The following DLG2 variants were observed in gnomAD, a reference collection of about 807,000 sequenced individuals.
DLG2 encodes the protein discs large MAGUK scaffold protein 2, also known as disks large homolog 2.
In DLG2, 45 loss-of-function variants were observed where a neutral mutation model predicts 132.5. The ratio of observed to expected loss-of-function variants is 0.34; its 90% confidence interval spans 0.27 to 0.44. DLG2 has a LOEUF of 0.44. Among genes scored for constraint, DLG2 ranks in the 20% least tolerant of loss-of-function variants. The probability of loss-of-function intolerance (pLI) is 1.00; values close to 1 mark genes in which losing one functional copy is unlikely to be tolerated. For missense variants in DLG2, 1,045 were observed against 1,196.9 expected (o/e 0.87, Z 1.87); for synonymous variants, 424 against 419.6 (o/e 1.01, Z -0.13).
At position 83,885,877 on chromosome 11, in the gene DLG2, A is replaced by C. The variant is rs548742999; in HGVS notation, c.1497-11389T>G. On this transcript the variant is annotated intron_variant, in intron 15 of 27. Coordinates refer to ENST00000376104, the MANE Select transcript of DLG2 (RefSeq NM_001142699.3). The stretch of plus-strand genomic sequence containing the variant: ...TTCATAAGTGAAGGAGAAATAAAAT[A>C]CTTTACAGACAAGCAAATGCTGAGA... Among the ~76,000 whole-genome samples, 57 of 152,210 alleles carry C rather than the reference A, an allele frequency of 3.7e-4. No homozygotes were observed. The East Asian group carries it at 0.01, about 27-fold the overall frequency.
chr11:84,637,800 C>T (rs1015702710), intron 6 of DLG2, among the ~76,000 whole-genome samples: 4 of 152,224 alleles, frequency 2.6e-5, no homozygotes, highest in South Asian at 4.1e-4. Context: ...GTTTACAGTG[C>T]GATGCAGTCT....
intron 19 of DLG2, among the ~76,000 whole-genome samples, chr11:83,547,569 T>A (rs761045038): frequency 6.6e-6 from 1 of 152,042 alleles, no homozygotes; most frequent in Admixed American, 6.6e-5. Context: ...TTTTACAAAC[T>A]GGGAATGGTT....
chr11:83,930,296 G>A (rs373519781), intron 15 of DLG2, 32 bp downstream of exon 15: 29 of 1,609,750 alleles, frequency 1.8e-5, no homozygotes, highest in African/African-American at 4.0e-5. Flanking sequence ...CATGCAGTTC[G>A]AGAAGATGAA....
rs191175819 is a variant in DLG2, at chr11:84,584,573, C to T, written c.358-49842G>A. Among the ~76,000 whole-genome samples the T allele has an allele frequency of 2.4e-3, 359 of 150,390 alleles. 3 individuals are homozygous for T. The highest frequency in any genetic ancestry group is 8.4e-3 in the African/African-American group (344 of 41,094). On this transcript the variant is annotated intron_variant, in intron 6 of 27. Transcript: ENST00000376104. ...GGTTCCTGCTATGTTGCTATGTTGTCCAGGTTAGTCTCAAACTCCTGGCCT... is the reference window on the plus strand; with the variant it reads ...GGTTCCTGCTATGTTGCTATGTTGTTCAGGTTAGTCTCAAACTCCTGGCCT...
intron 21 of DLG2, among the ~76,000 whole-genome samples, chr11:83,516,583 C>A (rs1336641464): frequency 5.3e-5 from 8 of 152,270 alleles, no homozygotes; most frequent in South Asian, 4.1e-4. Context: ...TTAGCTGGTT[C>A]TTTTGCTCGT....
At chr11:84,886,197 G>C (rs2088274597) in intron 6 of DLG2, among the ~76,000 whole-genome samples, 1 of 152,098 alleles carries the variant, frequency 6.6e-6, no homozygotes, top group Non-Finnish European at 1.5e-5. Context: ...GAGTGTAACA[G>C]GTTTTCTTTA....
At chr11:83,507,742 TA>T (rs2094790285) in intron 21 of DLG2, among the ~76,000 whole-genome samples, 1 of 137,220 alleles carries the variant, frequency 7.3e-6, no homozygotes, top group Admixed American at 8.0e-5. Context: ...TATTTATATT[TA>T]CATATATATT....
At chr11:85,486,869 G>A (rs954506574) in intron 3 of DLG2, among the ~76,000 whole-genome samples, 11 of 151,544 alleles carry the variant, frequency 7.3e-5, no homozygotes, top group Admixed American at 3.9e-4. Context: ...TAACAGGTGC[G>A]AGAGTAATCT....
intron 7 of DLG2, among the ~76,000 whole-genome samples, chr11:84,414,255 TATC>T (rs2098920799): frequency 1.3e-5 from 2 of 152,242 alleles, no homozygotes; most frequent in Non-Finnish European, 2.9e-5. Flanking sequence ...TGTTTACTGT[TATC>T]ATTTTATTAT....
At chr11:85,307,711 T>C (rs1437603945) in intron 3 of DLG2, among the ~76,000 whole-genome samples, 2 of 152,210 alleles carry the variant, frequency 1.3e-5, no homozygotes, top group East Asian at 3.8e-4. Flanking sequence ...AAATAGATTC[T>C]TTACTGACAC....
Position 83,466,762 on chromosome 11 carries a change from GC to G in DLG2, c.2674del (p.Ala892ProfsTer10). 1.2e-6 allele frequency: 2 copies of G among 1,613,792 alleles called. No homozygotes were observed. Among genetic ancestry groups the G allele is most frequent in the South Asian group, 2.2e-5 (2 of 91,074 alleles). On this transcript the variant is annotated frameshift_variant, in exon 26 of 28. Transcript: ENST00000376104. LOFTEE classifies it high-confidence loss of function. ...GAAGATGGCAATGGGATAGAGCTGG[GC>G]AACTTGTAACCGCTTGATAGCATTT... ...SGNAIKRLQV[A>X]QLYPIAIFIK...
chr11:85,584,214 T>C (rs2078811228), intron 3 of DLG2, among the ~76,000 whole-genome samples: 2 of 152,130 alleles, frequency 1.3e-5, no homozygotes, highest in Admixed American at 6.6e-5. Context: ...CACTTATAAA[T>C]GATAACATAC....
rs183734564 is a variant in DLG2 at position 84,558,393 on chromosome 11, G to A, written c.358-23662C>T. On this transcript the variant is annotated intron_variant, in intron 6 of 27. Coordinates refer to ENST00000376104, the MANE Select transcript of DLG2 (RefSeq NM_001142699.3). ...TTATTCCCCAGTAGTGAATTCTTAT[G>A]GGTATAGCACACATGCTTCTTTCCT... Among the ~76,000 whole-genome samples, 726 of 152,244 alleles carry A rather than the reference G, an allele frequency of 4.8e-3. 5 individuals carry two copies. Among genetic ancestry groups the A allele is most frequent in the African/African-American group, 0.017 (689 of 41,554 alleles).
intron 3 of DLG2, among the ~76,000 whole-genome samples, chr11:85,444,056 C>A (rs1676441843): frequency 6.6e-6 from 1 of 152,132 alleles, no homozygotes; most frequent in Non-Finnish European, 1.5e-5. Flanking sequence ...GTAGAACCAA[C>A]TTTTCAAGAA....
chr11:85,196,000 T>C (rs1050440742), intron 4 of DLG2, among the ~76,000 whole-genome samples: 1 of 152,228 alleles, frequency 6.6e-6, no homozygotes, highest in South Asian at 2.1e-4. Context: ...CTTTTTGTGG[T>C]AGAACTTTCT....
intron 6 of DLG2, among the ~76,000 whole-genome samples, chr11:84,735,663 T>C (rs1330212460): frequency 6.6e-6 from 1 of 152,178 alleles, no homozygotes; most frequent in African/African-American, 2.4e-5. Flanking sequence ...CTTAGTTATT[T>C]CTTGCCCTCT....
At chr11:85,143,927 T>C (rs72961538) in intron 5 of DLG2, among the ~76,000 whole-genome samples, 9,238 of 151,924 alleles carry the variant, frequency 0.061, 449 homozygotes, top group African/African-American at 0.13. Flanking sequence ...TGTTCTATAA[T>C]ATCTATTAGG....
chr11:85,341,771 A>G (rs964648923), intron 3 of DLG2, among the ~76,000 whole-genome samples: 1 of 152,208 alleles, frequency 6.6e-6, no homozygotes, highest in Non-Finnish European at 1.5e-5. Context: ...CATAGAGTGT[A>G]CTTACACAAG....
chr11:84,207,939 T>A (rs1052639183), intron 8 of DLG2, among the ~76,000 whole-genome samples: 9 of 152,010 alleles, frequency 5.9e-5, no homozygotes, highest in African/African-American at 2.2e-4. Flanking sequence ...AAAAAGTAAA[T>A]AGCTCATTTC....
Sources: allele counts gnomAD v4.1 joint callset (sites outside exome capture counted in the v4.1 genomes callset), GRCh38; gene constraint gnomAD v4.1.1; transcripts MANE v1.5; gene names NCBI Gene and HGNC (gene_info 2026-07-23, HGNC 2026-07-21).